ABCA13: variants seen among roughly 807,000 people sequenced by gnomAD.
ABCA13 encodes the protein ATP-binding cassette sub-family A member 13.
Under a neutral mutation model 478.7 loss-of-function variants are expected in ABCA13, and 476 were observed. That is an observed-to-expected ratio of 0.99 (90% CI 0.92 to 1.07). The LOEUF (loss-of-function observed/expected upper bound fraction) is 1.07. ABCA13 is among the 50% of genes least tolerant of loss of function. The pLI is 0.00. For synonymous variants in ABCA13, 2,252 were observed against 2,158.9 expected, an observed-to-expected ratio of 1.04 and a Z score of -1.20; for missense variants, 6,060 against 5,910.6, an observed-to-expected ratio of 1.03 and a Z score of -0.83.
chr7:48,592,029 GTTC>G (rs1405666991), intron 57 of ABCA13, among the ~76,000 whole-genome samples: 3 of 151,772 alleles, frequency 2.0e-5, no homozygotes, highest in East Asian at 3.9e-4. Flanking sequence ...TCCTTGTCTT[GTTC>G]TTCTTAGATT....
At chr7:48,303,954 C>G (rs1455276321) in intron 23 of ABCA13, among the ~76,000 whole-genome samples, 2 of 152,092 alleles carry the variant, frequency 1.3e-5, no homozygotes, top group Non-Finnish European at 2.9e-5. Context: ...ACATGTCTGT[C>G]TGGGGTGTCT....
At chr7:48,174,840 G>C (rs535550644) in intron 1 of ABCA13, among the ~76,000 whole-genome samples, 15 of 152,162 alleles carry the variant, frequency 9.9e-5, no homozygotes, top group African/African-American at 3.4e-4. Flanking sequence ...TTATTTAATG[G>C]TTTTATTGAA....
At chr7:48,566,028 A>G (rs1426759579) in intron 55 of ABCA13, among the ~76,000 whole-genome samples, 1 of 152,208 alleles carries the variant, frequency 6.6e-6, no homozygotes, top group Non-Finnish European at 1.5e-5. Flanking sequence ...TTGGAAGCAA[A>G]TGAATTTAAA....
chr7:48,221,531 G>C (rs1787363862), intron 5 of ABCA13, among the ~76,000 whole-genome samples: 1 of 152,246 alleles, frequency 6.6e-6, no homozygotes, highest in South Asian at 2.1e-4. Context: ...AAGCAGAGGT[G>C]AAACCTGAGG....
At chr7:48,557,068 A>G (rs76128116) in intron 55 of ABCA13, among the ~76,000 whole-genome samples, 5,346 of 152,134 alleles carry the variant, frequency 0.035, 327 homozygotes, top group African/African-American at 0.12. Context: ...AGGCAAAAGG[A>G]AACTACTAAA....
At chr7:48,181,071 G>T (rs1795633397) in intron 1 of ABCA13, among the ~76,000 whole-genome samples, 1 of 152,160 alleles carries the variant, frequency 6.6e-6, no homozygotes, top group African/African-American at 2.4e-5. Flanking sequence ...CTGTTGGCTG[G>T]CGTCTGATCA....
intron 31 of ABCA13, among the ~76,000 whole-genome samples, chr7:48,353,232 G>C (rs752170898): frequency 6.6e-6 from 1 of 151,716 alleles, no homozygotes; most frequent in South Asian, 2.1e-4. Context: ...ATTGCTGTGG[G>C]CTGTGGGGCT....
intron 9 of ABCA13, among the ~76,000 whole-genome samples, chr7:48,239,699 G>A (rs989234442): frequency 5.9e-5 from 9 of 152,228 alleles, no homozygotes; most frequent in Non-Finnish European, 1.3e-4. Flanking sequence ...ATTGGTGCAT[G>A]AGATTGCCCT....
intron 10 of ABCA13, among the ~76,000 whole-genome samples, chr7:48,242,481 A>C (rs1790999544): frequency 6.6e-6 from 1 of 151,918 alleles, no homozygotes; most frequent in Non-Finnish European, 1.5e-5. Flanking sequence ...TCTGTTGCCC[A>C]GGCTGAAGTG....
Position 48,594,589 on chromosome 7 carries a change from G to C in ABCA13, c.14641-121G>C, listed in dbSNP as rs149371259. On this transcript the variant is annotated intron_variant, in intron 57 of 61. Coordinates refer to ENST00000435803, the MANE Select transcript of ABCA13 (RefSeq NM_152701.5). ...GAGTGCAACAAAGCCAATTGGAGAG[G>C]TGTCTTTTAGAGCCAGAGCAGAGAT... 6.2e-4 allele frequency: 501 copies of C among 812,374 alleles called. 7 individuals are homozygous for C. In the East Asian group the frequency reaches 9.3e-3, roughly 15 times the overall value. The allele number at this position is 812,374 out of a possible 1,614,324, so 50.3% of individuals were successfully genotyped here. A position where few individuals can be genotyped will look rare whatever the true frequency, so the allele number is the denominator to read the frequency against.
At chr7:48,493,518 A>AT (rs1830019504) in intron 48 of ABCA13, among the ~76,000 whole-genome samples, 1 of 152,214 alleles carries the variant, frequency 6.6e-6, no homozygotes, top group Non-Finnish European at 1.5e-5. Context: ...TAGAGTAAAA[A>AT]TGAAAAGGGA....
intron 23 of ABCA13, among the ~76,000 whole-genome samples, chr7:48,303,214 A>C (rs1023256488): frequency 1.3e-5 from 2 of 151,796 alleles, no homozygotes; most frequent in African/African-American, 4.8e-5. Context: ...ATTTTTTTTA[A>C]GTTCTTTATA....
intron 47 of ABCA13, among the ~76,000 whole-genome samples, chr7:48,485,110 C>G (rs1249931096): frequency 2.6e-5 from 4 of 152,140 alleles, no homozygotes; most frequent in Non-Finnish European, 5.9e-5. Context: ...CTTGTTTAAT[C>G]AAAACACTCT....
chr7:48,624,589 GC>G (rs1190547435), intron 59 of ABCA13, among the ~76,000 whole-genome samples: 1 of 148,838 alleles, frequency 6.7e-6, no homozygotes, highest in East Asian at 2.0e-4. Context: ...TGCTCTTGTT[GC>G]CCAGGCTGGT....
intron 42 of ABCA13, among the ~76,000 whole-genome samples, 155 bp downstream of exon 42, chr7:48,428,026 CA>C (rs954994833): frequency 2.8e-5 from 4 of 145,046 alleles, no homozygotes; most frequent in African/African-American, 7.7e-5. Flanking sequence ...AGGTCAGAGG[CA>C]AAAAAAACGT....
At chr7:48,265,526 A>G (rs1794757323) in intron 15 of ABCA13, among the ~76,000 whole-genome samples, 1 of 151,544 alleles carries the variant, frequency 6.6e-6, no homozygotes, top group Non-Finnish European at 1.5e-5. Context: ...AGATTTTAAT[A>G]CTTTAAATGC....
chr7:48,374,248 A>G (rs1813101792), intron 33 of ABCA13, 99 bp from the exon 34 acceptor site: 1 of 1,083,186 alleles, frequency 9.2e-7, no homozygotes. Flanking sequence ...CAGAATGAAA[A>G]GTTGTCATGG....
At chr7:48,214,390 T>C (rs1203729051) in intron 3 of ABCA13, among the ~76,000 whole-genome samples, 1 of 152,190 alleles carries the variant, frequency 6.6e-6, no homozygotes, top group African/African-American at 2.4e-5. Context: ...GGCTTCAACT[T>C]AAGGTCACCA....
At chr7:48,634,724 T>C (rs1477101980) in intron 59 of ABCA13, among the ~76,000 whole-genome samples, 2 of 152,320 alleles carry the variant, frequency 1.3e-5, no homozygotes, top group East Asian at 3.9e-4. Context: ...TACAGTTGAG[T>C]ATTATTTTGT....
Sources: allele counts gnomAD v4.1 joint callset (sites outside exome capture counted in the v4.1 genomes callset), GRCh38; gene constraint gnomAD v4.1.1; transcripts MANE v1.5; gene names NCBI Gene and HGNC (gene_info 2026-07-23, HGNC 2026-07-21).